Variants in HIP1 observed in about 807,000 individuals in gnomAD.
The protein encoded by HIP1 is huntingtin-interacting protein 1.
A neutral mutation model predicts 147.6 loss-of-function variants in HIP1; 65 were observed. The ratio of observed to expected loss-of-function variants is 0.44; its 90% CI spans 0.36 to 0.54. The LOEUF (loss-of-function observed/expected upper bound fraction) is 0.54. Among genes scored for constraint, HIP1 ranks in the 20% least tolerant of loss-of-function variants. The pLI is 0.00. For missense variants in HIP1, 1,061 were observed against 1,299.6 expected (o/e 0.82, Z 2.82); for synonymous variants, 479 against 504.0 (o/e 0.95, Z 0.67).
chr7:75,694,930 C>T (rs1431878697), intron 1 of HIP1, among the ~76,000 whole-genome samples: 1 of 133,852 alleles, frequency 7.5e-6, no homozygotes, highest in Non-Finnish European at 1.6e-5. Flanking sequence ...GTTCTTTCCA[C>T]AACATTCTAT....
chr7:75,575,788 G>A (rs988570919), intron 7 of HIP1, among the ~76,000 whole-genome samples: 12 of 152,128 alleles, frequency 7.9e-5, no homozygotes, highest in Non-Finnish European at 1.3e-4. Flanking sequence ...TGCACGCGGC[G>A]GGCAATGAAA....
intron 5 of HIP1, 105 bp downstream of exon 5, chr7:75,586,648 G>T: frequency 1.3e-6 from 1 of 744,972 alleles, no homozygotes; most frequent in South Asian, 1.5e-5. Context: ...TCAGAAGCCT[G>T]GGCTGTCTAT....
chr7:75,611,656 G>A (rs1584878609), intron 1 of HIP1: 5 of 1,021,138 alleles, frequency 4.9e-6, no homozygotes, highest in East Asian at 6.6e-5. Context: ...TGCGGGGCTG[G>A]GTGTCTCACC....
rs569893362 is a variant in HIP1 at position 75,720,786 on chromosome 7, C to A, written c.120+18015G>T. Among the ~76,000 whole-genome samples the A allele has an allele frequency of 2.0e-4, 31 of 152,180 alleles. 1 individual carries two copies. The South Asian group carries it at 5.4e-3, about 27-fold the overall frequency. On this transcript the variant is annotated intron_variant, in intron 1 of 30. Coordinates refer to ENST00000336926, the MANE Select transcript of HIP1 (RefSeq NM_005338.7). ...GGGTGCGGTGGCTCACGCCTATAAT[C>A]CCAGCACTTTGAGAGGCCGAGGTGG...
chr7:75,533,351 A>G lies in HIP1; in HGVS notation c.*4821T>C, dbSNP rs1793973408. On this transcript the variant is annotated 3_prime_UTR_variant, in exon 31 of 31. Coordinates refer to ENST00000336926, the MANE Select transcript of HIP1 (RefSeq NM_005338.7). ...ATTGAAAACACAGATGCAATGTATT[A>G]TACAAAGAAAGGTCTTAATACCATA... is the stretch of plus-strand genomic sequence containing the variant. 4.5e-6 allele frequency: 1 copy of G among 220,740 alleles called. No homozygotes were observed. The highest frequency in any genetic ancestry group is 1.8e-4 in the South Asian group (1 of 5,410). 13.7% of individuals were successfully genotyped at this position (220,740 alleles called of 1,614,324 possible).
intron 1 of HIP1, among the ~76,000 whole-genome samples, chr7:75,647,197 C>G (rs1404502787): frequency 9.6e-6 from 1 of 104,092 alleles, no homozygotes; most frequent in Non-Finnish European, 1.8e-5. Context: ...GAAACCCCAT[C>G]TCTACTAAAA....
chr7:75,636,218 G>T (rs1030892244), intron 1 of HIP1, among the ~76,000 whole-genome samples: 1 of 151,608 alleles, frequency 6.6e-6, no homozygotes, highest in Non-Finnish European at 1.5e-5. Flanking sequence ...AGTGCTGGGG[G>T]CGCGCGCCTG....
At chr7:75,677,601 TC>T (rs1453730416) in intron 1 of HIP1, among the ~76,000 whole-genome samples, 5 of 63,810 alleles carry the variant, frequency 7.8e-5, no homozygotes, top group Non-Finnish European at 1.4e-4. Flanking sequence ...CAAGACTCCA[TC>T]TAAAAAAAAA....
intron 2 of HIP1, 88 bp downstream of exon 2, chr7:75,599,096 G>A: frequency 1.0e-6 from 1 of 977,278 alleles, no homozygotes; most frequent in Non-Finnish European, 1.6e-6. Context: ...CCTTCCTGGA[G>A]CTGAGCAAGG....
In HIP1 at chr7:75,705,185, C is replaced by T. The variant is rs28638384; in HGVS notation, c.120+33616G>A. The stretch of plus-strand genomic sequence containing the variant: ...TAAACAATTTCTCCCCATCTCCCTT[C>T]CCCCAAGCCCCTGGCAACCACCATT... On this transcript the variant is annotated intron_variant, in intron 1 of 30. Coordinates refer to ENST00000336926, the MANE Select transcript of HIP1 (RefSeq NM_005338.7). Among the ~76,000 whole-genome samples, 604 of 152,174 alleles carry T rather than the reference C, an allele frequency of 4.0e-3. 4 individuals are homozygous for T. The highest frequency in any genetic ancestry group is 0.014 in the African/African-American group (584 of 41,532).
intron 1 of HIP1, among the ~76,000 whole-genome samples, chr7:75,662,907 C>T (rs1799361885): frequency 6.6e-6 from 1 of 152,156 alleles, no homozygotes; most frequent in African/African-American, 2.4e-5. Context: ...TCTCAGAGGA[C>T]ACCAGCACAG....
At chr7:75,612,096 C>T (rs1011840620) in intron 1 of HIP1, among the ~76,000 whole-genome samples, 1 of 152,240 alleles carries the variant, frequency 6.6e-6, no homozygotes, top group Non-Finnish European at 1.5e-5. Context: ...TCACAAAGGT[C>T]CCACGGCAGG....
At chr7:75,655,182 G>A (rs782691802) in intron 1 of HIP1, among the ~76,000 whole-genome samples, 1 of 152,146 alleles carries the variant, frequency 6.6e-6, no homozygotes. Flanking sequence ...GACAAAATGT[G>A]GTCTATCCAC....
At chr7:75,644,699 T>C (rs1798750011) in intron 1 of HIP1, among the ~76,000 whole-genome samples, 2 of 152,176 alleles carry the variant, frequency 1.3e-5, no homozygotes, top group Admixed American at 6.6e-5. Flanking sequence ...GGTTTTATGG[T>C]GCGGGGGAGG....
chr7:75,541,198 C>T (rs1298951378), intron 29 of HIP1, among the ~76,000 whole-genome samples: 1 of 152,032 alleles, frequency 6.6e-6, no homozygotes, highest in African/African-American at 2.4e-5. Context: ...AGTTTGAGAC[C>T]AGCCTGGCCA....
intron 29 of HIP1, among the ~76,000 whole-genome samples, chr7:75,539,767 A>G (rs1414100776): frequency 2.0e-5 from 3 of 152,086 alleles, no homozygotes; most frequent in Admixed American, 6.6e-5. Flanking sequence ...TCATTTATCT[A>G]TCCCAGTAGC....
At chr7:75,619,288 C>CCAGG (rs1245131061) in intron 1 of HIP1, among the ~76,000 whole-genome samples, 3 of 151,976 alleles carry the variant, frequency 2.0e-5, no homozygotes, top group African/African-American at 7.3e-5. Flanking sequence ...TTTGGGAAGC[C>CCAGG]CAGGTGGGCG....
At chr7:75,704,401 C>T (rs879950540) in intron 1 of HIP1, among the ~76,000 whole-genome samples, 6 of 152,070 alleles carry the variant, frequency 3.9e-5, no homozygotes, top group East Asian at 3.9e-4. Context: ...CCCAGCACCA[C>T]GCCTGGCTAA....
At chr7:75,725,558 T>A (rs1048466187) in intron 1 of HIP1, among the ~76,000 whole-genome samples, 1 of 152,172 alleles carries the variant, frequency 6.6e-6, no homozygotes, top group Admixed American at 6.6e-5. Flanking sequence ...ACAGTTTTAC[T>A]ATCTAAGCAA....
Sources: allele counts gnomAD v4.1 joint callset (sites outside exome capture counted in the v4.1 genomes callset), GRCh38; gene constraint gnomAD v4.1.1; transcripts MANE v1.5; gene names NCBI Gene and HGNC (gene_info 2026-07-23, HGNC 2026-07-21).